LYPLAL1: variants seen among roughly 807,000 people sequenced by gnomAD.
The protein encoded by LYPLAL1 is lysophospholipase-like protein 1.
In LYPLAL1, 23 loss-of-function variants were observed where a neutral mutation model predicts 19.7. That is an observed-to-expected ratio of 1.17 (90% CI 0.84 to 1.65). The LOEUF (loss-of-function observed/expected upper bound fraction) is 1.65. LYPLAL1 is among the 40% of genes most tolerant of loss of function. LYPLAL1 has a pLI of 0.00. For missense variants in LYPLAL1, 355 were observed against 279.4 expected, an observed-to-expected ratio of 1.27 and a Z score of -1.93; for synonymous variants, 119 against 96.3, an observed-to-expected ratio of 1.24 and a Z score of -1.38.
the LYPLAL1 span, among the ~76,000 whole-genome samples, chr1:219,257,353 G>T: frequency 1.3e-4 from 17 of 132,578 alleles, no homozygotes; most frequent in East Asian, 4.2e-4. Context: ...ATCCATACCA[G>T]TTTTTGTTTT....
the LYPLAL1 span, among the ~76,000 whole-genome samples, chr1:219,426,284 G>A: frequency 1.3e-5 from 2 of 152,154 alleles, no homozygotes; most frequent in Non-Finnish European, 2.9e-5. Context: ...CCATCTAACA[G>A]TTTATGTCAT....
intron 2 of LYPLAL1, among the ~76,000 whole-genome samples, chr1:219,190,622 TAAA>T (rs35544870): frequency 1.2e-5 from 1 of 86,026 alleles, no homozygotes; most frequent in Non-Finnish European, 2.1e-5. Flanking sequence ...TTTTGTCCAG[TAAA>T]AAAAAAAAAA....
At chr1:219,243,545 A>C in the LYPLAL1 span, among the ~76,000 whole-genome samples, 1 of 152,146 alleles carries the variant, frequency 6.6e-6, no homozygotes, top group Non-Finnish European at 1.5e-5. Context: ...TGATGGAGAA[A>C]AGGAGATCTG....
At chr1:219,382,469 C>G in the LYPLAL1 span, among the ~76,000 whole-genome samples, 1 of 152,210 alleles carries the variant, frequency 6.6e-6, no homozygotes, top group Non-Finnish European at 1.5e-5. Flanking sequence ...ACGTCATTCT[C>G]CTGCCTCAGC....
chr1:219,256,773 T>G, the LYPLAL1 span, among the ~76,000 whole-genome samples: 1 of 152,014 alleles, frequency 6.6e-6, no homozygotes, highest in African/African-American at 2.4e-5. Flanking sequence ...CATATTTTAC[T>G]TCAAATTATT....
the LYPLAL1 span, among the ~76,000 whole-genome samples, chr1:219,400,996 G>A: frequency 1.3e-5 from 2 of 152,022 alleles, no homozygotes; most frequent in East Asian, 1.9e-4. Flanking sequence ...CTATATCTCA[G>A]TTGTATATTT....
At chr1:219,298,340 T>C in the LYPLAL1 span, among the ~76,000 whole-genome samples, 1 of 152,026 alleles carries the variant, frequency 6.6e-6, no homozygotes, top group African/African-American at 2.4e-5. Flanking sequence ...TACATTTAGG[T>C]CTTTCATTTT....
At chr1:219,315,103 G>T in the LYPLAL1 span, among the ~76,000 whole-genome samples, 2 of 152,042 alleles carry the variant, frequency 1.3e-5, no homozygotes, top group Non-Finnish European at 2.9e-5. Flanking sequence ...GCATAAATGA[G>T]AAATATAATA....
At chr1:219,293,579 C>T in the LYPLAL1 span, among the ~76,000 whole-genome samples, 1 of 152,126 alleles carries the variant, frequency 6.6e-6, no homozygotes, top group Admixed American at 6.6e-5. Context: ...TGAAATTAAA[C>T]ATCTTGTTTC....
chr1:219,401,659 G>T, the LYPLAL1 span, among the ~76,000 whole-genome samples: 1 of 151,998 alleles, frequency 6.6e-6, no homozygotes, highest in Non-Finnish European at 1.5e-5. Context: ...CTTTTGGAAG[G>T]TATGCCAGCA....
rs765183693 is a variant in LYPLAL1 at position 219,193,057 on chromosome 1, T to TG, written c.192-25_192-24insG. ...ATATTCCCTTTTCCTTTCTTTTTTT[T>TG]TGGGGGGGGGCGGTTGTTAAACAGA... On this transcript the variant is annotated intron_variant, in intron 2 of 4. Coordinates refer to ENST00000366928, the MANE Select transcript of LYPLAL1 (RefSeq NM_138794.5). 751 of 1,340,646 alleles carry TG rather than the reference T, an allele frequency of 5.6e-4. 2 individuals are homozygous for TG. The highest frequency in any genetic ancestry group is 2.2e-3 in the African/African-American group (89 of 40,870). The allele number at this position is 1,340,646 out of a possible 1,614,324, so 83.0% of individuals were successfully genotyped here.
At chr1:219,300,589 C>T in the LYPLAL1 span, among the ~76,000 whole-genome samples, 9 of 132,918 alleles carry the variant, frequency 6.8e-5, no homozygotes, top group Non-Finnish European at 1.1e-4. Context: ...GGCTGGAGTG[C>T]AGTGGCGCAT....
At chr1:219,231,503 A>T in the LYPLAL1 span, among the ~76,000 whole-genome samples, 1 of 152,196 alleles carries the variant, frequency 6.6e-6, no homozygotes, top group Admixed American at 6.5e-5. Context: ...TATATAATAT[A>T]CATATATTGT....
chr1:219,331,429 G>A, the LYPLAL1 span, among the ~76,000 whole-genome samples: 3 of 152,112 alleles, frequency 2.0e-5, no homozygotes, highest in Admixed American at 6.6e-5. Flanking sequence ...GCAATGCTCC[G>A]TTTTTGTGTT....
the LYPLAL1 span, among the ~76,000 whole-genome samples, chr1:219,325,324 C>A: frequency 6.6e-6 from 1 of 152,302 alleles, no homozygotes; most frequent in Non-Finnish European, 1.5e-5. Flanking sequence ...CCCACCCCTT[C>A]TTCTTTCCCC....
At chr1:219,214,288 G>A (rs745347673), downstream of LYPLAL1, among the ~76,000 whole-genome samples, 3 of 152,016 alleles carry the variant, frequency 2.0e-5, no homozygotes, top group Non-Finnish European at 4.4e-5. Context: ...ATTTTGTTAA[G>A]GATGTTTGTG....
At chr1:219,327,013 C>T in the LYPLAL1 span, among the ~76,000 whole-genome samples, 3 of 152,152 alleles carry the variant, frequency 2.0e-5, no homozygotes, top group South Asian at 2.1e-4. Flanking sequence ...GCGGGGGAAT[C>T]GCTTGAACCC....
chr1:219,336,075 A>T, the LYPLAL1 span, among the ~76,000 whole-genome samples: 1 of 151,114 alleles, frequency 6.6e-6, no homozygotes, highest in African/African-American at 2.4e-5. Context: ...TTTTGACAAC[A>T]TTGCTCACAA....
the LYPLAL1 span, among the ~76,000 whole-genome samples, chr1:219,428,976 C>T: frequency 5.9e-5 from 9 of 151,910 alleles, no homozygotes; most frequent in Non-Finnish European, 8.8e-5. Context: ...CACGTGTGTG[C>T]GTATGTTTTC....
Sources: gnomAD v4.1 joint callset for allele counts (sites outside exome capture counted in the v4.1 genomes callset) on GRCh38, gnomAD v4.1.1 for gene constraint, MANE v1.5 for transcripts, NCBI Gene and HGNC (gene_info 2026-07-23, HGNC 2026-07-21) for gene names.